The following IL17RD variants were observed in gnomAD, a reference collection of about 807,000 sequenced individuals.
The protein encoded by IL17RD is interleukin 17 receptor D.
Under a neutral mutation model 80.5 loss-of-function variants are expected in IL17RD, and 52 were observed. The observed-to-expected ratio is 0.65, with a 90% CI of 0.52 to 0.81. The LOEUF is 0.81. IL17RD is among the 40% of genes least tolerant of loss of function. The pLI is 0.00. For synonymous variants in IL17RD, 416 were observed against 391.8 expected, an observed-to-expected ratio of 1.06 and a Z score of -0.73; for missense variants, 1,024 against 955.1, an observed-to-expected ratio of 1.07 and a Z score of -0.95.
In IL17RD at chr3:57,093,053, C is replaced by A. The variant is rs556738527; in HGVS notation, c.*3340G>T. 2 of 152,122 alleles carry A rather than the reference C, an allele frequency of 1.3e-5. No individual in the cohort carries two copies. Among genetic ancestry groups the A allele is most frequent in the African/African-American group, 4.8e-5 (2 of 41,416 alleles). 9.4% of individuals were successfully genotyped at this position (152,122 alleles called of 1,614,324 possible). On this transcript the variant is annotated 3_prime_UTR_variant, in exon 13 of 13. Transcript: ENST00000296318. ...TCAGGAAGTACTTCATGGCCACAGT[C>A]GACTGGAAAATTACCCACTGTGGGT...
At position 57,135,963 on chromosome 3, in the gene IL17RD, C is replaced by T. The variant is rs114888253; in HGVS notation, c.127-15650G>A. ...TGCCTATTGATGTGGGTATCCTAAA[C>T]GCTGTTCTGCAGGGTAACCAAATTA... is the stretch of plus-strand genomic sequence containing the variant. On this transcript the variant is annotated intron_variant, in intron 1 of 12. Transcript: ENST00000296318. Among the ~76,000 whole-genome samples the T allele has an allele frequency of 4.8e-3, 727 of 152,290 alleles. 3 individuals carry two copies. Among genetic ancestry groups the T allele is most frequent in the African/African-American group, 0.016 (670 of 41,564 alleles).
chr3:57,115,479 C>T (rs576596693), intron 2 of IL17RD, among the ~76,000 whole-genome samples: 2 of 152,292 alleles, frequency 1.3e-5, no homozygotes, highest in Non-Finnish European at 2.9e-5. Flanking sequence ...AAACAGAAGC[C>T]ACACCAATCT....
chr3:57,129,897 C>A (rs994938525), intron 1 of IL17RD, among the ~76,000 whole-genome samples: 1 of 152,140 alleles, frequency 6.6e-6, no homozygotes, highest in Admixed American at 6.5e-5. Context: ...AGGAGACAGG[C>A]TTCAAGCATC....
Position 57,101,094 on chromosome 3 carries a change from C to A in IL17RD, c.1164+85G>T. 3 of 1,097,356 alleles carry A rather than the reference C, an allele frequency of 2.7e-6. 1 individual carries two copies. The South Asian group carries it at 4.6e-5, about 17-fold the overall frequency. 68.0% of individuals were successfully genotyped at this position (1,097,356 alleles called of 1,614,324 possible). A position where few individuals can be genotyped will look rare whatever the true frequency, so the allele number is the denominator to read the frequency against. ...CAAGGGCAGGTGTCACCACAGGAGG[C>A]CCAGAAGAGAGGAGAAGGCAGCGGG... On this transcript the variant is annotated intron_variant, in intron 11 of 12. Coordinates refer to ENST00000296318, the MANE Select transcript of IL17RD (RefSeq NM_017563.5).
chr3:57,107,378 C>T (rs949517093), intron 5 of IL17RD, among the ~76,000 whole-genome samples: 1 of 34,434 alleles, frequency 2.9e-5, no homozygotes, highest in African/African-American at 6.7e-5. Flanking sequence ...AACTCCATCT[C>T]GAAAAAAAAA....
chr3:57,130,067 T>G (rs1355523837), intron 1 of IL17RD, among the ~76,000 whole-genome samples: 1 of 152,094 alleles, frequency 6.6e-6, no homozygotes, highest in Non-Finnish European at 1.5e-5. Flanking sequence ...CAAGGCAGGG[T>G]GTATTTGCTT....
intron 1 of IL17RD, among the ~76,000 whole-genome samples, chr3:57,147,375 G>C (rs760184902): frequency 3.9e-5 from 6 of 152,172 alleles, no homozygotes; most frequent in Non-Finnish European, 8.8e-5. Context: ...ATAAATGGTA[G>C]CAAATGGTGG....
intron 3 of IL17RD, among the ~76,000 whole-genome samples, chr3:57,113,426 G>A (rs1024901124): frequency 1.3e-5 from 2 of 151,976 alleles, no homozygotes; most frequent in African/African-American, 4.8e-5. Flanking sequence ...TAGTGGAGAC[G>A]GGGTTTCACC....
intron 2 of IL17RD, among the ~76,000 whole-genome samples, chr3:57,118,450 C>A (rs569383321): frequency 1.3e-5 from 2 of 152,268 alleles, no homozygotes; most frequent in South Asian, 4.2e-4. Context: ...CAACCTAAGC[C>A]CTTTACTTAC....
intron 1 of IL17RD, among the ~76,000 whole-genome samples, chr3:57,155,519 T>G (rs2060261282): frequency 6.6e-6 from 1 of 152,224 alleles, no homozygotes; most frequent in Non-Finnish European, 1.5e-5. Flanking sequence ...ATGAATAAAT[T>G]AAGCATATTT....
At chr3:57,137,684 G>A (rs539770403) in intron 1 of IL17RD, among the ~76,000 whole-genome samples, 12 of 152,260 alleles carry the variant, frequency 7.9e-5, no homozygotes, top group African/African-American at 2.4e-4. Context: ...AAGGAGGAAG[G>A]TGAGTCCTGG....
At chr3:57,111,971 AAAAG>A (rs1203465885) in intron 3 of IL17RD, among the ~76,000 whole-genome samples, 51 of 151,832 alleles carry the variant, frequency 3.4e-4, no homozygotes, top group Admixed American at 2.6e-3. Context: ...CAAAAAAAAA[AAAAG>A]AAAGAAAGAA....
Position 57,096,274 on chromosome 3 carries a change from ACT to A in IL17RD, c.*117_*118del. 1 of 730,000 alleles carries A rather than the reference ACT, an allele frequency of 1.4e-6. No homozygotes were observed. Among genetic ancestry groups the A allele is most frequent in the Non-Finnish European group, 2.5e-6 (1 of 399,200 alleles). The allele number at this position is 730,000 out of a possible 1,614,324, so 45.2% of individuals were successfully genotyped here. On this transcript the variant is annotated 3_prime_UTR_variant, in exon 13 of 13. Coordinates refer to ENST00000296318, the MANE Select transcript of IL17RD (RefSeq NM_017563.5). ...GAGAACAAGTACTGGCCAGCATTTC[ACT>A]CCAAATATCCTTGTATGAGACCTCA...
intron 1 of IL17RD, among the ~76,000 whole-genome samples, chr3:57,164,504 C>A (rs773947846): frequency 6.6e-6 from 1 of 152,210 alleles, no homozygotes; most frequent in Non-Finnish European, 1.5e-5. Context: ...GGAAAAATAT[C>A]CGCAACTCGA....
At chr3:57,137,670 TAAG>T (rs1256811738) in intron 1 of IL17RD, among the ~76,000 whole-genome samples, 7 of 152,182 alleles carry the variant, frequency 4.6e-5, no homozygotes, top group African/African-American at 2.4e-5. Flanking sequence ...GGAAGGTATT[TAAG>T]AAGGAGGAAG....
chr3:57,096,238 T>G lies in IL17RD; in HGVS notation c.*155A>C. ...GTTTGTCAAGATATCCGGTAAAGGG[T>G]TGGGGCAAGGGAGAACAAGTACTGG... is the stretch of plus-strand genomic sequence containing the variant. On this transcript the variant is annotated 3_prime_UTR_variant, in exon 13 of 13. Transcript: ENST00000296318. 4 of 616,754 alleles carry G rather than the reference T, an allele frequency of 6.5e-6. 1 individual carries two copies. In the South Asian group the frequency reaches 8.1e-5, roughly 12 times the overall value. The allele number at this position is 616,754 out of a possible 1,614,324, so 38.2% of individuals were successfully genotyped here. A position where few individuals can be genotyped will look rare whatever the true frequency, so the allele number is the denominator to read the frequency against.
intron 1 of IL17RD, among the ~76,000 whole-genome samples, chr3:57,121,213 T>G (rs1265047327): frequency 6.6e-6 from 1 of 152,202 alleles, no homozygotes. Context: ...ACCTGAAGTT[T>G]CCACTCAACA....
Position 57,146,029 on chromosome 3 carries a change from T to TCACGCG in IL17RD, c.126+19126_126+19131dup, listed in dbSNP as rs150824680. Among the ~76,000 whole-genome samples the TCACGCG allele has an allele frequency of 9.6e-3, 1,309 of 136,450 alleles. 17 individuals carry two copies. Among genetic ancestry groups the TCACGCG allele is most frequent in the African/African-American group, 0.035 (1,231 of 34,968 alleles). 89.5% of individuals were successfully genotyped at this position (136,450 alleles called of 152,430 possible). A position where few individuals can be genotyped will look rare whatever the true frequency, so the allele number is the denominator to read the frequency against. ...GGAAAGCGTGCGCGCACACACACAC[T>TCACGCG]CACGCGCGCGCGCGCGCACACACAC... On this transcript the variant is annotated intron_variant, in intron 1 of 12. Transcript: ENST00000296318.
At position 57,094,810 on chromosome 3, in the gene IL17RD, C is replaced by G. The variant is rs1272081998; in HGVS notation, c.*1583G>C. Reference sequence around the variant, plus strand: ...TGAGTTGCCTGTTGTTATGGGGAGGCAGTCTTGCAGCTCACTGTCTCTCCC... The same window carrying G: ...TGAGTTGCCTGTTGTTATGGGGAGGGAGTCTTGCAGCTCACTGTCTCTCCC... On this transcript the variant is annotated 3_prime_UTR_variant, in exon 13 of 13. Transcript: ENST00000296318. The G allele has an allele frequency of 6.6e-6, 1 of 152,500 alleles. No individual in the cohort carries two copies. Among genetic ancestry groups the G allele is most frequent in the Non-Finnish European group, 1.5e-5 (1 of 68,040 alleles). 9.4% of individuals were successfully genotyped at this position (152,500 alleles called of 1,614,324 possible).
Sources: allele counts gnomAD v4.1 joint callset (sites outside exome capture counted in the v4.1 genomes callset), GRCh38; gene constraint gnomAD v4.1.1; transcripts MANE v1.5; gene names NCBI Gene and HGNC (gene_info 2026-07-23, HGNC 2026-07-21).